MYOM1: variants seen among roughly 807,000 people sequenced by gnomAD.
MYOM1 encodes the protein myomesin 1.
A neutral mutation model predicts 205.3 loss-of-function variants in MYOM1; 164 were observed. The ratio of observed to expected loss-of-function variants is 0.80; its 90% CI spans 0.70 to 0.91. The LOEUF (loss-of-function observed/expected upper bound fraction) is 0.91. Ranked by LOEUF, MYOM1 falls within the 40% of genes least tolerant of loss-of-function variation. The pLI is 0.00. For synonymous variants in MYOM1, 772 were observed against 789.4 expected (o/e 0.98, Z 0.37); for missense variants, 2,011 against 2,127.3 (o/e 0.95, Z 1.08).
At chr18:3,155,494 G>A (rs988831399) in intron 10 of MYOM1, among the ~76,000 whole-genome samples, 4 of 152,196 alleles carry the variant, frequency 2.6e-5, no homozygotes, top group African/African-American at 9.6e-5. Flanking sequence ...AAAGTGCTGG[G>A]ATTACAGGCG....
intron 5 of MYOM1, among the ~76,000 whole-genome samples, chr18:3,181,381 A>C (rs1567953818): frequency 6.6e-6 from 1 of 152,244 alleles, no homozygotes; most frequent in Non-Finnish European, 1.5e-5. Flanking sequence ...TTTGGAATTA[A>C]GTAAATAAGA....
intron 18 of MYOM1, among the ~76,000 whole-genome samples, chr18:3,127,500 G>A (rs981804173): frequency 5.3e-5 from 8 of 151,344 alleles, no homozygotes; most frequent in Admixed American, 2.0e-4. Context: ...GGAGAGACAG[G>A]GTTTCACCAT....
At chr18:3,099,856 A>C (rs1390506175) in intron 25 of MYOM1, among the ~76,000 whole-genome samples, 1 of 152,240 alleles carries the variant, frequency 6.6e-6, no homozygotes, top group Non-Finnish European at 1.5e-5. Flanking sequence ...TGATTCCAAC[A>C]TATGTGGGCA....
At chr18:3,223,696 G>A (rs1248709514), upstream of MYOM1, among the ~76,000 whole-genome samples, 1 of 152,134 alleles carries the variant, frequency 6.6e-6, no homozygotes, top group Non-Finnish European at 1.5e-5. Context: ...ATTCTGTGTG[G>A]AGCAATTTGT....
chr18:3,090,887 A>G (rs2079217337), intron 26 of MYOM1, 85 bp from the exon 27 acceptor site: 1 of 1,548,342 alleles, frequency 6.5e-7, no homozygotes, highest in Non-Finnish European at 8.8e-7. Flanking sequence ...AAATAAAAAT[A>G]AACCCCAAAG....
intron 3 of MYOM1, among the ~76,000 whole-genome samples, chr18:3,191,972 A>G (rs2080915707): frequency 6.6e-6 from 1 of 152,174 alleles, no homozygotes; most frequent in South Asian, 2.1e-4. Context: ...CTGGAATTAC[A>G]GGCATGAGCC....
At chr18:3,125,811 T>C (rs2079772122) in intron 19 of MYOM1, among the ~76,000 whole-genome samples, 1 of 152,110 alleles carries the variant, frequency 6.6e-6, no homozygotes, top group Non-Finnish European at 1.5e-5. Context: ...GTTCTGGTTC[T>C]CTTATGTGAC....
At chr18:3,162,348 C>T (rs1372181830) in intron 10 of MYOM1, among the ~76,000 whole-genome samples, 3 of 152,160 alleles carry the variant, frequency 2.0e-5, no homozygotes, top group Non-Finnish European at 4.4e-5. Context: ...CAAGTAGGGA[C>T]CACACCTGTA....
intron 5 of MYOM1, among the ~76,000 whole-genome samples, chr18:3,183,059 A>G (rs1160570097): frequency 6.6e-6 from 1 of 151,370 alleles, no homozygotes; most frequent in East Asian, 2.0e-4. Flanking sequence ...CCTCCCCAGT[A>G]GCTGGGATTA....
intron 18 of MYOM1, among the ~76,000 whole-genome samples, chr18:3,127,305 A>ATATATATATATATATATATATTTT (rs56880961): frequency 2.1e-5 from 1 of 47,570 alleles, no homozygotes; most frequent in African/African-American, 9.2e-5. Flanking sequence ...ATATATATAT[A>ATATATATATATATATATATATTTT]TTTTTTTTTT....
intron 36 of MYOM1, among the ~76,000 whole-genome samples, chr18:3,075,169 A>G (rs140506192): frequency 2.1e-3 from 325 of 152,296 alleles, no homozygotes; most frequent in Middle Eastern, 0.01. Context: ...GCAAGTCACT[A>G]ACAACCTACT....
In MYOM1 at chr18:3,151,734, G is replaced by C. The variant is rs371861150; in HGVS notation, c.1803C>G (p.Pro601=). The C allele has an allele frequency of 1.2e-6, 2 of 1,613,722 alleles. No homozygotes were observed. Among genetic ancestry groups the C allele is most frequent in the Admixed American group, 1.7e-5 (1 of 60,004 alleles). ...GIGFPSRVSE[P]VAALDPAEKA... The stretch of plus-strand genomic sequence containing the variant: ...TCTCAGCCGGATCCAGAGCAGCCAC[G>C]GGCTCGGAAACTCGAGATGGGAAAC... Residue 601 remains proline (P), a synonymous_variant, in exon 12 of 38, where the codon CCC becomes CCG. Coordinates refer to ENST00000356443, the MANE Select transcript of MYOM1 (RefSeq NM_003803.4).
rs556931757 is a variant in MYOM1 at position 3,113,416 on chromosome 18, C to T, written c.3304-1004G>A. On this transcript the variant is annotated intron_variant, in intron 21 of 37. Transcript: ENST00000356443. Reference sequence around the variant, plus strand: ...CAATCTCAGCTCACTGTAGCCTGGACCTCCTGGGATCAAGCAATCCTCCTG... The same window carrying T: ...CAATCTCAGCTCACTGTAGCCTGGATCTCCTGGGATCAAGCAATCCTCCTG... Among the ~76,000 whole-genome samples, 8 of 152,060 alleles carry T rather than the reference C, an allele frequency of 5.3e-5. No individual in the cohort carries two copies. In the East Asian group the frequency reaches 1.4e-3, roughly 26 times the overall value.
At chr18:3,246,986 C>T in the MYOM1 span, 6 of 152,338 alleles carry the variant, frequency 3.9e-5, no homozygotes, top group East Asian at 1.2e-3. Context: ...AGTTTTGATT[C>T]CTGTTTTCAC....
intron 5 of MYOM1, among the ~76,000 whole-genome samples, chr18:3,177,231 C>T (rs906900322): frequency 2.6e-5 from 4 of 151,320 alleles, no homozygotes; most frequent in African/African-American, 9.7e-5. Context: ...AGAGTGAGAC[C>T]GTGTCTTAAA....
chr18:3,086,833 T>C (rs947013426), intron 29 of MYOM1, among the ~76,000 whole-genome samples: 2 of 152,166 alleles, frequency 1.3e-5, no homozygotes, highest in African/African-American at 4.8e-5. Context: ...TATGAAAAAG[T>C]AAAGACTTCC....
rs377515296 is a variant in MYOM1 at position 3,086,031 on chromosome 18, C to T, written c.4251+7G>A. ...ATATATTACATTTTACATTTATAATCGCCTACCTCTGTTATAAGCAGGGTA... is the reference window on the plus strand; with the variant it reads ...ATATATTACATTTTACATTTATAATTGCCTACCTCTGTTATAAGCAGGGTA... On this transcript the variant is annotated splice_region_variant and intron_variant, in intron 30 of 37. Transcript: ENST00000356443. The T allele has an allele frequency of 2.6e-5, 40 of 1,538,674 alleles. No homozygotes were observed. The African/African-American group carries it at 3.0e-4, about 12-fold the overall frequency.
chr18:3,145,376 TG>T (rs373840609), intron 13 of MYOM1, among the ~76,000 whole-genome samples: 1 of 152,144 alleles, frequency 6.6e-6, no homozygotes, highest in African/African-American at 2.4e-5. Flanking sequence ...GATCTTTTTC[TG>T]GACCATAAAA....
At chr18:3,168,342 G>C (rs925278185) in intron 9 of MYOM1, among the ~76,000 whole-genome samples, 3 of 151,996 alleles carry the variant, frequency 2.0e-5, no homozygotes, top group African/African-American at 4.8e-5. Flanking sequence ...CAGGCGGAGT[G>C]CAATGGCGCC....
Sources: allele counts gnomAD v4.1 joint callset (sites outside exome capture counted in the v4.1 genomes callset), GRCh38; gene constraint gnomAD v4.1.1; transcripts MANE v1.5; gene names NCBI Gene and HGNC (gene_info 2026-07-23, HGNC 2026-07-21).